Variants in LPP observed in about 807,000 individuals in gnomAD.
LPP encodes the protein LIM domain containing preferred translocation partner in lipoma.
In LPP, 38 loss-of-function variants were observed where a neutral mutation model predicts 60.4. The ratio of observed to expected loss-of-function variants is 0.63; its 90% CI spans 0.49 to 0.83. The LOEUF is 0.83. LPP is among the 40% of genes least tolerant of loss of function. LPP has a pLI of 0.00. For synonymous variants in LPP, 328 were observed against 290.8 expected (o/e 1.13, Z -1.30); for missense variants, 902 against 783.6 (o/e 1.15, Z -1.80).
At chr3:188,282,675 A>G (rs776339898) in intron 2 of LPP, among the ~76,000 whole-genome samples, 2 of 152,030 alleles carry the variant, frequency 1.3e-5, no homozygotes, top group African/African-American at 4.8e-5. Context: ...CCATGTTCAT[A>G]TTCTTCATCC....
intron 9 of LPP, among the ~76,000 whole-genome samples, chr3:188,774,984 T>C (rs1390157109): frequency 1.3e-5 from 2 of 152,072 alleles, no homozygotes; most frequent in African/African-American, 4.8e-5. Flanking sequence ...AAGTGCATAA[T>C]TGGCACTGAT....
chr3:188,640,788 A>C (rs1363734601), intron 7 of LPP, among the ~76,000 whole-genome samples: 1 of 152,254 alleles, frequency 6.6e-6, no homozygotes, highest in South Asian at 2.1e-4. Flanking sequence ...CTCTGACCTC[A>C]AGCCAAAGAG....
At chr3:188,283,205 T>C (rs1742710006) in intron 2 of LPP, among the ~76,000 whole-genome samples, 1 of 152,364 alleles carries the variant, frequency 6.6e-6, no homozygotes, top group African/African-American at 2.4e-5. Flanking sequence ...TCTTTAGCTC[T>C]CAACTTCTTA....
At chr3:188,420,299 C>T (rs1274198751) in intron 4 of LPP, among the ~76,000 whole-genome samples, 1 of 152,040 alleles carries the variant, frequency 6.6e-6, no homozygotes, top group Non-Finnish European at 1.5e-5. Flanking sequence ...TTTACTTGAA[C>T]TTTGTCAATG....
At chr3:188,664,632 T>G (rs936795000) in intron 7 of LPP, among the ~76,000 whole-genome samples, 52 of 152,088 alleles carry the variant, frequency 3.4e-4, no homozygotes, top group African/African-American at 1.1e-3. Flanking sequence ...TGTGTGTGTG[T>G]GTGTGGAGAG....
chr3:188,729,260 G>A (rs539808120), intron 8 of LPP, among the ~76,000 whole-genome samples: 10 of 152,170 alleles, frequency 6.6e-5, no homozygotes, highest in Non-Finnish European at 1.3e-4. Context: ...TTGAGTTGAG[G>A]GACAAGTAGT....
At chr3:188,385,037 C>G (rs1777919679) in intron 3 of LPP, among the ~76,000 whole-genome samples, 1 of 151,656 alleles carries the variant, frequency 6.6e-6, no homozygotes, top group African/African-American at 2.4e-5. Flanking sequence ...ACACCTACCC[C>G]TATTTTCTTT....
At chr3:188,582,341 CT>C (rs1836440035) in intron 6 of LPP, among the ~76,000 whole-genome samples, 1 of 150,102 alleles carries the variant, frequency 6.7e-6, no homozygotes, top group Non-Finnish European at 1.5e-5. Context: ...TTTCTTTTTT[CT>C]TTTTTCTGTT....
intron 8 of LPP, among the ~76,000 whole-genome samples, chr3:188,754,492 T>G (rs1193484542): frequency 1.3e-5 from 2 of 152,168 alleles, no homozygotes; most frequent in African/African-American, 4.8e-5. Context: ...GCGATACTTG[T>G]CAGCTTTTCT....
At chr3:188,831,486 G>T (rs1253311962) in intron 9 of LPP, among the ~76,000 whole-genome samples, 1 of 152,102 alleles carries the variant, frequency 6.6e-6, no homozygotes, top group Non-Finnish European at 1.5e-5. Context: ...GACATTTTTG[G>T]TCTCTAGCTG....
At chr3:188,808,220 C>G (rs1749757100) in intron 9 of LPP, among the ~76,000 whole-genome samples, 1 of 152,014 alleles carries the variant, frequency 6.6e-6, no homozygotes, top group Non-Finnish European at 1.5e-5. Context: ...CTTTTTGTGC[C>G]TGTACCACAG....
chr3:188,651,839 C>T (rs892183082), intron 7 of LPP, among the ~76,000 whole-genome samples: 1 of 152,154 alleles, frequency 6.6e-6, no homozygotes, highest in African/African-American at 2.4e-5. Flanking sequence ...GGGACACAGC[C>T]AAACCTTATC....
intron 2 of LPP, chr3:188,312,984 T>C (rs1379680864): frequency 1.3e-5 from 2 of 148,948 alleles, no homozygotes; most frequent in African/African-American, 5.0e-5. Flanking sequence ...GGGCCTGTCA[T>C]GGGGTTGGGG....
intron 2 of LPP, among the ~76,000 whole-genome samples, chr3:188,264,270 TGA>T (rs992923768): frequency 1.3e-5 from 2 of 150,692 alleles, no homozygotes; most frequent in Admixed American, 6.6e-5. Flanking sequence ...TGTGTGTGTG[TGA>T]GAGAGAGAGA....
chr3:188,729,387 A>G (rs1436431812), intron 8 of LPP, among the ~76,000 whole-genome samples: 1 of 152,246 alleles, frequency 6.6e-6, no homozygotes, highest in African/African-American at 2.4e-5. Flanking sequence ...GACTATTGTC[A>G]AACAATGGGT....
intron 8 of LPP, among the ~76,000 whole-genome samples, chr3:188,729,400 C>T (rs1398561109): frequency 2.0e-5 from 3 of 152,148 alleles, no homozygotes; most frequent in Non-Finnish European, 4.4e-5. Flanking sequence ...CAATGGGTAA[C>T]ATCAGATTAG....
intron 5 of LPP, among the ~76,000 whole-genome samples, chr3:188,522,216 A>C (rs1245647511): frequency 1.3e-5 from 2 of 152,200 alleles, no homozygotes; most frequent in African/African-American, 4.8e-5. Flanking sequence ...CCAACCTGTC[A>C]TGTCACTCTT....
chr3:188,635,639 G>A (rs536440660), intron 7 of LPP, among the ~76,000 whole-genome samples: 36 of 152,292 alleles, frequency 2.4e-4, no homozygotes, highest in African/African-American at 8.7e-4. Flanking sequence ...CATTCCTAAT[G>A]TATCAGAATC....
intron 4 of LPP, among the ~76,000 whole-genome samples, chr3:188,427,756 CT>C (rs547883630): frequency 5.7e-4 from 87 of 152,240 alleles, no homozygotes; most frequent in African/African-American, 2.0e-3. Context: ...GTGGACGCCC[CT>C]CCCCCCACCA....
Sources: allele counts gnomAD v4.1 joint callset (sites outside exome capture counted in the v4.1 genomes callset), GRCh38; gene constraint gnomAD v4.1.1; transcripts MANE v1.5; gene names NCBI Gene and HGNC (gene_info 2026-07-23, HGNC 2026-07-21).